WWOX: variants seen among roughly 807,000 people sequenced by gnomAD.
The protein encoded by WWOX is WW domain containing oxidoreductase, also known as WW domain-containing oxidoreductase.
WWOX carries 69 observed loss-of-function variants against 46.2 expected under a neutral mutation model. The ratio of observed to expected loss-of-function variants is 1.49; its 90% CI spans 1.23 to 1.82. WWOX has a LOEUF of 1.82. Among genes scored for constraint, WWOX ranks in the 40% most tolerant of loss-of-function variants. The probability of loss-of-function intolerance (pLI) is 0.00; values close to 1 mark genes in which losing one functional copy is unlikely to be tolerated. For synonymous variants in WWOX, 359 were observed against 202.6 expected (o/e 1.77, Z -6.56); for missense variants, 919 against 542.6 (o/e 1.69, Z -6.89).
intron 8 of WWOX, among the ~76,000 whole-genome samples, chr16:78,506,768 G>A (rs2085217605): frequency 7.3e-6 from 1 of 137,624 alleles, no homozygotes; most frequent in Non-Finnish European, 1.5e-5. Flanking sequence ...GTAGTGCAGT[G>A]GAACAATCTC....
chr16:79,023,396 A>T (rs563592733), intron 8 of WWOX, among the ~76,000 whole-genome samples: 1 of 152,258 alleles, frequency 6.6e-6, no homozygotes, highest in Admixed American at 6.5e-5. Context: ...TGAGTGATTT[A>T]CTTGGTGTTA....
intron 8 of WWOX, among the ~76,000 whole-genome samples, chr16:78,934,984 C>G (rs1256579505): frequency 3.3e-5 from 5 of 152,126 alleles, no homozygotes; most frequent in Non-Finnish European, 7.3e-5. Context: ...ATTTATGCAG[C>G]CAACAGACAC....
At chr16:78,218,358 A>G (rs1016166530) in intron 5 of WWOX, among the ~76,000 whole-genome samples, 12 of 152,056 alleles carry the variant, frequency 7.9e-5, no homozygotes, top group Non-Finnish European at 1.8e-4. Flanking sequence ...AAGTGCTGGG[A>G]TTACAAGCCT....
intron 6 of WWOX, among the ~76,000 whole-genome samples, chr16:78,406,000 T>C (rs1164328387): frequency 6.6e-6 from 1 of 152,072 alleles, no homozygotes; most frequent in Non-Finnish European, 1.5e-5. Context: ...ATTCTTTAAC[T>C]GGGGATCATG....
chr16:78,679,951 C>A (rs781630325), intron 8 of WWOX, among the ~76,000 whole-genome samples: 1 of 152,194 alleles, frequency 6.6e-6, no homozygotes, highest in African/African-American at 2.4e-5. Context: ...TGCAAATCCT[C>A]TAGTCAGAGC....
intron 8 of WWOX, among the ~76,000 whole-genome samples, chr16:78,562,413 G>T (rs1184530515): frequency 6.6e-6 from 1 of 152,194 alleles, no homozygotes; most frequent in Non-Finnish European, 1.5e-5. Context: ...CTCCAGGAAT[G>T]TATCTGTTCC....
intron 8 of WWOX, among the ~76,000 whole-genome samples, chr16:78,937,969 C>T (rs1184921373): frequency 6.6e-6 from 1 of 152,156 alleles, no homozygotes; most frequent in African/African-American, 2.4e-5. Context: ...TCAGTGTTTT[C>T]TTATTCCTCA....
At chr16:78,225,724 C>T (rs2037032218) in intron 5 of WWOX, among the ~76,000 whole-genome samples, 1 of 152,132 alleles carries the variant, frequency 6.6e-6, no homozygotes, top group Non-Finnish European at 1.5e-5. Context: ...GGAAATATAC[C>T]TGGGCTAATT....
At chr16:78,445,058 T>C (rs1323084802) in intron 8 of WWOX, among the ~76,000 whole-genome samples, 1 of 152,158 alleles carries the variant, frequency 6.6e-6, no homozygotes, top group Non-Finnish European at 1.5e-5. Flanking sequence ...CCTAATCGTG[T>C]AGTGAGCCAG....
intron 5 of WWOX, among the ~76,000 whole-genome samples, chr16:78,223,485 A>G (rs941830449): frequency 6.6e-6 from 1 of 152,062 alleles, no homozygotes; most frequent in Non-Finnish European, 1.5e-5. Context: ...TTGATGGGGG[A>G]TGCTTGAGCT....
chr16:78,959,811 C>G (rs1484876682), intron 8 of WWOX, among the ~76,000 whole-genome samples: 2 of 152,126 alleles, frequency 1.3e-5, no homozygotes, highest in Non-Finnish European at 2.9e-5. Context: ...GTTCTGAACC[C>G]TGTGGAAATC....
chr16:78,586,384 T>A (rs183364840), intron 8 of WWOX, among the ~76,000 whole-genome samples: 1 of 152,134 alleles, frequency 6.6e-6, no homozygotes, highest in Non-Finnish European at 1.5e-5. Flanking sequence ...TGTCTCAGTT[T>A]CCTTCCTGGC....
At chr16:78,983,559 G>A (rs548123347) in intron 8 of WWOX, among the ~76,000 whole-genome samples, 10 of 152,234 alleles carry the variant, frequency 6.6e-5, no homozygotes, top group African/African-American at 2.2e-4. Context: ...GGGGCTAAAT[G>A]TTCAGCCTGT....
intron 8 of WWOX, chr16:78,896,069 A>G (rs2044694047): frequency 6.6e-6 from 1 of 152,190 alleles, no homozygotes; most frequent in East Asian, 1.9e-4. Flanking sequence ...GATATTTCTG[A>G]AAGGGCTCTG....
At chr16:79,050,790 C>G (rs753124657) in intron 8 of WWOX, among the ~76,000 whole-genome samples, 1 of 152,172 alleles carries the variant, frequency 6.6e-6, no homozygotes, top group African/African-American at 2.4e-5. Flanking sequence ...CTGTTGAAGG[C>G]CCAGAGCTTG....
intron 8 of WWOX, among the ~76,000 whole-genome samples, chr16:78,736,659 G>A (rs148253520): frequency 2.6e-5 from 4 of 152,200 alleles, no homozygotes; most frequent in East Asian, 1.9e-4. Flanking sequence ...GTGCAGTTGC[G>A]TGATATTAGC....
intron 6 of WWOX, among the ~76,000 whole-genome samples, chr16:78,409,270 G>C (rs1341485016): frequency 2.0e-5 from 3 of 152,090 alleles, no homozygotes; most frequent in Admixed American, 6.6e-5. Flanking sequence ...ATTTCACTAT[G>C]AATTATGACA....
chr16:78,314,688 GTTTTTTTTTTTTGT>G (rs1174368231), intron 5 of WWOX, among the ~76,000 whole-genome samples: 2 of 90,512 alleles, frequency 2.2e-5, no homozygotes, highest in Admixed American at 1.3e-4. Flanking sequence ...CCCTGCAGGG[GTTTTTTTTTTTTGT>G]TTTTTTTTTT....
At chr16:78,414,968 G>C (rs2082765720) in intron 6 of WWOX, among the ~76,000 whole-genome samples, 1 of 151,892 alleles carries the variant, frequency 6.6e-6, no homozygotes, top group Admixed American at 6.6e-5. Flanking sequence ...ACTTTATAAA[G>C]AAAGTAAAAG....
Sources: allele counts gnomAD v4.1 joint callset (sites outside exome capture counted in the v4.1 genomes callset), GRCh38; gene constraint gnomAD v4.1.1; transcripts MANE v1.5; gene names NCBI Gene and HGNC (gene_info 2026-07-23, HGNC 2026-07-21).